The following CNTN5 variants were observed in gnomAD, a reference collection of about 807,000 sequenced individuals.
CNTN5 encodes the protein contactin-5.
In CNTN5, 77 loss-of-function variants were observed where a neutral mutation model predicts 129.1. The observed-to-expected ratio is 0.60, with a 90% CI of 0.50 to 0.72. The LOEUF (loss-of-function observed/expected upper bound fraction) is 0.72. Ranked by LOEUF, CNTN5 falls within the 30% of genes least tolerant of loss-of-function variation. The probability of loss-of-function intolerance (pLI) is 0.00; values close to 1 mark genes in which losing one functional copy is unlikely to be tolerated. For synonymous variants in CNTN5, 509 were observed against 465.6 expected (o/e 1.09, Z -1.20); for missense variants, 1,478 against 1,328.8 (o/e 1.11, Z -1.75).
intron 4 of CNTN5, among the ~76,000 whole-genome samples, chr11:99,824,301 C>A (rs1946887602): frequency 6.6e-6 from 1 of 151,870 alleles, no homozygotes; most frequent in African/African-American, 2.4e-5. Context: ...ATTTTTTTGG[C>A]AATCTCTTGA....
chr11:100,306,190 A>C (rs1951345422), intron 20 of CNTN5, among the ~76,000 whole-genome samples: 1 of 151,578 alleles, frequency 6.6e-6, no homozygotes, highest in Non-Finnish European at 1.5e-5. Flanking sequence ...GTGTGGTATG[A>C]CCCTGATTTA....
chr11:100,013,438 A>G (rs551189134), intron 9 of CNTN5, among the ~76,000 whole-genome samples: 1 of 152,178 alleles, frequency 6.6e-6, no homozygotes, highest in Non-Finnish European at 1.5e-5. Context: ...TGACACTTGA[A>G]TAGGACATCA....
intron 1 of CNTN5, among the ~76,000 whole-genome samples, chr11:99,207,943 T>G (rs1859565930): frequency 6.6e-6 from 1 of 152,204 alleles, no homozygotes; most frequent in African/African-American, 2.4e-5. Flanking sequence ...TCTTTGTTAA[T>G]AATTATGTAC....
At chr11:99,206,141 C>A (rs1187890835) in intron 1 of CNTN5, among the ~76,000 whole-genome samples, 2 of 152,150 alleles carry the variant, frequency 1.3e-5, no homozygotes, top group Non-Finnish European at 1.5e-5. Context: ...TTCCTCTCCA[C>A]TTTTAACTAA....
chr11:99,705,646 T>A (rs1056504665), intron 3 of CNTN5, among the ~76,000 whole-genome samples: 3 of 151,432 alleles, frequency 2.0e-5, no homozygotes, highest in South Asian at 4.1e-4. Context: ...ATGCAGTTGT[T>A]TATAAAACCA....
intron 4 of CNTN5, among the ~76,000 whole-genome samples, chr11:99,833,037 G>T (rs1455614947): frequency 4.6e-5 from 7 of 152,202 alleles, no homozygotes; most frequent in Non-Finnish European, 7.3e-5. Flanking sequence ...ATTTAGAATT[G>T]AGGGAGACAT....
rs753246328 is a variant in CNTN5 at position 100,074,282 on chromosome 11, G to A, written c.1568G>A (p.Arg523Lys). The A allele has an allele frequency of 2.5e-6, 4 of 1,600,286 alleles. No individual in the cohort carries two copies. Among genetic ancestry groups the A allele is most frequent in the Non-Finnish European group, 3.4e-6 (4 of 1,172,730 alleles). The change falls in exon 13 of 25, where the codon AGA becomes AAA. Residue 523 changes from arginine to lysine, a missense_variant. Transcript: ENST00000524871. The stretch of plus-strand genomic sequence containing the variant: ...TGGAAGAAAGGAGACAGAGCAGTTA[G>A]AGAAAACAAAAGGTTAGAATCTATT... ...ISWKKGDRAVRENKRIAILPD... is the reference protein window; with the variant it reads ...ISWKKGDRAVKENKRIAILPD...
intron 7 of CNTN5, among the ~76,000 whole-genome samples, chr11:99,927,271 T>C (rs1044977931): frequency 2.6e-5 from 4 of 152,182 alleles, no homozygotes; most frequent in Non-Finnish European, 5.9e-5. Flanking sequence ...AATGGTAATA[T>C]TGAAGCTCAG....
In CNTN5 at chr11:100,021,214, G is replaced by A. The variant is rs73559095; in HGVS notation, c.980+19078G>A. ...GTGATTTAAACTCTTTAAATGTATT[G>A]AGACTTGTCTTATGACAAAGAATTT... On this transcript the variant is annotated intron_variant, in intron 9 of 24. Transcript: ENST00000524871. Among the ~76,000 whole-genome samples, 1,296 of 152,148 alleles carry A rather than the reference G, an allele frequency of 8.5e-3. 14 individuals carry two copies. The highest frequency in any genetic ancestry group is 0.03 in the African/African-American group (1,233 of 41,488).
chr11:99,910,361 C>G (rs192554697), intron 6 of CNTN5, among the ~76,000 whole-genome samples: 2 of 152,006 alleles, frequency 1.3e-5, no homozygotes, highest in African/African-American at 4.8e-5. Context: ...ATCTTATTTG[C>G]TCTAGAGTGT....
intron 2 of CNTN5, among the ~76,000 whole-genome samples, chr11:99,437,989 A>G (rs908602956): frequency 4.0e-5 from 5 of 126,318 alleles, no homozygotes; most frequent in African/African-American, 5.7e-5. Flanking sequence ...TCCATGTACA[A>G]TATGGTATTC....
At chr11:99,093,817 A>C (rs1866355261) in intron 1 of CNTN5, among the ~76,000 whole-genome samples, 1 of 151,980 alleles carries the variant, frequency 6.6e-6, no homozygotes, top group African/African-American at 2.4e-5. Flanking sequence ...GGGCAAGTAC[A>C]GTTATCTTTA....
chr11:100,061,384 C>CAAGTATACAGTAA lies in CNTN5; in HGVS notation c.1154_1162+4dup. ...AAAAAATTCCTTTCGTGGACAATTA[C>CAAGTATACAGTAA]AAGTATACAGTAAGTGTTTTCAGCA... On this transcript the variant is annotated frameshift_variant, in exon 10 of 25. Coordinates refer to ENST00000524871, the MANE Select transcript of CNTN5 (RefSeq NM_014361.4). LOFTEE classifies it high-confidence loss of function. The CAAGTATACAGTAA allele has an allele frequency of 6.3e-7, 1 of 1,589,124 alleles. No homozygotes were observed. Among genetic ancestry groups the CAAGTATACAGTAA allele is most frequent in the Non-Finnish European group, 8.6e-7 (1 of 1,161,278 alleles).
chr11:100,148,127 A>ACT (rs1321947308), intron 13 of CNTN5, among the ~76,000 whole-genome samples: 1 of 152,084 alleles, frequency 6.6e-6, no homozygotes, highest in Non-Finnish European at 1.5e-5. Context: ...TTATCCATAT[A>ACT]CTCATAATTT....
chr11:99,651,118 G>T (rs903714681), intron 3 of CNTN5, among the ~76,000 whole-genome samples: 2 of 151,928 alleles, frequency 1.3e-5, no homozygotes, highest in Non-Finnish European at 1.5e-5. Flanking sequence ...GAAAAGGAAA[G>T]TTGCTTAGCA....
intron 3 of CNTN5, among the ~76,000 whole-genome samples, chr11:99,598,299 CTTTTCTTTTCTTTTCTTTTCTTT>C (rs1950193609): frequency 1.9e-4 from 1 of 5,306 alleles, no homozygotes; most frequent in African/African-American, 4.4e-4. Context: ...CTTTTCTTTT[CTTTTCTTTTCTTTTCTTTTCTTT>C]TCTGTCCCTC....
chr11:99,738,250 A>G (rs748608193), intron 3 of CNTN5, among the ~76,000 whole-genome samples: 2 of 152,144 alleles, frequency 1.3e-5, no homozygotes, highest in Non-Finnish European at 2.9e-5. Flanking sequence ...TCTGACTGGT[A>G]TCTTATAAGA....
chr11:99,366,927 A>G (rs1565525243), intron 2 of CNTN5, among the ~76,000 whole-genome samples: 1 of 152,178 alleles, frequency 6.6e-6, no homozygotes, highest in Non-Finnish European at 1.5e-5. Context: ...GCAGTTAACA[A>G]GTGTCTGAAT....
At chr11:99,491,506 A>C (rs777015175) in intron 2 of CNTN5, among the ~76,000 whole-genome samples, 2 of 152,220 alleles carry the variant, frequency 1.3e-5, no homozygotes. Flanking sequence ...GGAGACACAC[A>C]AATTTCACAA....
Sources: allele counts gnomAD v4.1 joint callset (sites outside exome capture counted in the v4.1 genomes callset), GRCh38; gene constraint gnomAD v4.1.1; transcripts MANE v1.5; gene names NCBI Gene and HGNC (gene_info 2026-07-23, HGNC 2026-07-21).